The following B4GALT4 variants were observed in gnomAD, a reference collection of about 807,000 sequenced individuals.
B4GALT4 encodes the protein N-acetyllactosamine synthase.
In B4GALT4, 27 loss-of-function variants were observed where a neutral mutation model predicts 37.3. That is an observed-to-expected ratio of 0.72 (90% confidence interval 0.53 to 1.00). The LOEUF is 1.00. B4GALT4 is among the 50% of genes least tolerant of loss of function. B4GALT4 has a pLI of 0.00. For missense variants in B4GALT4, 372 were observed against 413.1 expected, an observed-to-expected ratio of 0.90 and a Z score of 0.86; for synonymous variants, 148 against 154.1, an observed-to-expected ratio of 0.96 and a Z score of 0.29.
chr3:119,237,639 T>C (rs1402462080), intron 1 of B4GALT4, among the ~76,000 whole-genome samples: 2 of 152,232 alleles, frequency 1.3e-5, no homozygotes, highest in African/African-American at 4.8e-5. Context: ...TGGAATGCAA[T>C]CAATCTTTCA....
At position 119,212,075 on chromosome 3, in the gene B4GALT4, A is replaced by T. The variant is rs1449076753; in HGVS notation, c.*474T>A. 1.4e-6 allele frequency: 1 copy of T among 693,880 alleles called. No individual in the cohort carries two copies. The highest frequency in any genetic ancestry group is 2.6e-6 in the Non-Finnish European group (1 of 379,354). 43.0% of individuals were successfully genotyped at this position (693,880 alleles called of 1,614,324 possible). ...TCTTTTGTGGACGCCTTCTCACCTG[A>T]CACCACCACTTCACAGATGATTGTA... On this transcript the variant is annotated 3_prime_UTR_variant, in exon 8 of 8. Transcript: ENST00000393765.
Position 119,224,338 on chromosome 3 carries a change from T to C in B4GALT4, c.487-93A>G, listed in dbSNP as rs114533988. 1,239 of 896,986 alleles carry C rather than the reference T, an allele frequency of 1.4e-3. 8 individuals are homozygous for C. In the African/African-American group the frequency reaches 0.017, roughly 12 times the overall value. 55.6% of individuals were successfully genotyped at this position (896,986 alleles called of 1,614,324 possible). A position where few individuals can be genotyped will look rare whatever the true frequency, so the allele number is the denominator to read the frequency against. On this transcript the variant is annotated intron_variant, in intron 4 of 7. Transcript: ENST00000393765. ...TAGGATTCAGGAGATGGTATTATTC[T>C]AATTATTCTACGCACGAGACTACAC...
intron 1 of B4GALT4, chr3:119,240,384 C>G (rs886250046): frequency 2.4e-4 from 37 of 152,236 alleles, no homozygotes; most frequent in African/African-American, 8.9e-4. Flanking sequence ...GGTCAAAGGT[C>G]GCCGGCCCCT....
intron 5 of B4GALT4, among the ~76,000 whole-genome samples, chr3:119,220,733 T>TC (rs751765376): frequency 6.6e-6 from 1 of 152,134 alleles, no homozygotes; most frequent in African/African-American, 2.4e-5. Context: ...ACGCCTGTAA[T>TC]CCCAGCACTT....
intron 1 of B4GALT4, among the ~76,000 whole-genome samples, chr3:119,237,801 AC>A (rs1456167566): frequency 6.6e-6 from 1 of 152,260 alleles, no homozygotes; most frequent in Non-Finnish European, 1.5e-5. Flanking sequence ...ATTCAAACCA[AC>A]ATTGCTAAAA....
At chr3:119,212,711 T>A in intron 7 of B4GALT4, 30 bp from the exon 8 acceptor site, 3 of 1,561,648 alleles carry the variant, frequency 1.9e-6, no homozygotes, top group Non-Finnish European at 2.6e-6. Context: ...ATGTGAATGA[T>A]AAGAATTTAA....
At chr3:119,215,980 G>T (rs971623229) in intron 7 of B4GALT4, 2 of 252,686 alleles carry the variant, frequency 7.9e-6, no homozygotes, top group Non-Finnish European at 1.5e-5. Flanking sequence ...CACATGAAAT[G>T]CTATGACATC....
intron 6 of B4GALT4, 108 bp from the exon 7 acceptor site, chr3:119,216,452 AC>A: frequency 2.1e-6 from 1 of 486,104 alleles, no homozygotes; most frequent in Non-Finnish European, 3.5e-6. Flanking sequence ...ACATACACAC[AC>A]ACACACACAC....
rs1208541284 is a variant in B4GALT4 at position 119,230,093 on chromosome 3, A to G, written c.7T>C (p.Phe3Leu). 1 of 1,613,966 alleles carries G rather than the reference A, an allele frequency of 6.2e-7. No homozygotes were observed. The highest frequency in any genetic ancestry group is 8.5e-7 in the Non-Finnish European group (1 of 1,179,954). Residue 3 changes from phenylalanine (F) to leucine (L), a missense_variant, in exon 3 of 8, where the codon TTC (phenylalanine) becomes CTC (leucine). Coordinates refer to ENST00000393765, the MANE Select transcript of B4GALT4 (RefSeq NM_003778.4). Reference sequence around the variant, plus strand: ...TAGGAAAGGTGGAAAGTCAGGTTGAAGCCCATGTTTTTTATTACGTGAATA... The same window carrying G: ...TAGGAAAGGTGGAAAGTCAGGTTGAGGCCCATGTTTTTTATTACGTGAATA... The part of the protein sequence containing the change: MG[F>L]NLTFHLSYKF...
rs774588667 is a variant in B4GALT4, at chr3:119,224,096, G to C, written c.636C>G (p.Pro212=). 1.2e-6 allele frequency: 2 copies of C among 1,613,590 alleles called. No homozygotes were observed. Among genetic ancestry groups the C allele is most frequent in the South Asian group, 1.1e-5 (1 of 90,972 alleles). Reference sequence around the variant, plus strand: ...TGTTCCTGCCAACCACCAGATGCTTGGGATGCTCCTCACACTTGTAAAGGT... The same window carrying C: ...TGTTCCTGCCAACCACCAGATGCTTCGGATGCTCCTCACACTTGTAAAGGT... ...DFNLYKCEEH[P]KHLVVGRNST... The change falls in exon 5 of 8, where the codon CCC becomes CCG. Residue 212 remains proline (P), a synonymous_variant. Coordinates refer to ENST00000393765, the MANE Select transcript of B4GALT4 (RefSeq NM_003778.4).
intron 7 of B4GALT4, chr3:119,214,904 C>A (rs1355017837): frequency 6.6e-6 from 1 of 152,158 alleles, no homozygotes. Context: ...CTGGCAATAT[C>A]GAAACTCACA....
At chr3:119,236,626 C>A (rs552738319) in intron 2 of B4GALT4, among the ~76,000 whole-genome samples, 29 of 152,250 alleles carry the variant, frequency 1.9e-4, no homozygotes, top group African/African-American at 6.7e-4. Flanking sequence ...AATTTAGTAA[C>A]AAATGACGGA....
chr3:119,218,856 GGGAGA>G, intron 5 of B4GALT4, 84 bp from the exon 6 acceptor site: 1 of 1,527,032 alleles, frequency 6.5e-7, no homozygotes. Flanking sequence ...AGGAACACCT[GGGAGA>G]CCATGTACTT....
chr3:119,224,206 C>T lies in B4GALT4; in HGVS notation c.526G>A (p.Val176Met), dbSNP rs2078532090. ...TCCTTGAGGGCTTCTAGATAGCCCA[C>T]ATTCAAGAGTTTGGCTCGATTAAAC... ...KKFNRAKLLN[V>M]GYLEALKEEN... The change falls in exon 5 of 8, where the codon GTG (valine) becomes ATG (methionine). Residue 176 changes from valine to methionine, a missense_variant. Transcript: ENST00000393765. The T allele has an allele frequency of 6.2e-7, 1 of 1,612,064 alleles. No homozygotes were observed.
chr3:119,227,523 T>C (rs573954552), intron 3 of B4GALT4, among the ~76,000 whole-genome samples: 150 of 152,302 alleles, frequency 9.8e-4, no homozygotes, highest in Middle Eastern at 3.4e-3. Context: ...CCTGGCTCCC[T>C]GTAAGCAAAG....
intron 3 of B4GALT4, among the ~76,000 whole-genome samples, chr3:119,229,207 C>A (rs567034410): frequency 1.3e-5 from 2 of 152,292 alleles, no homozygotes; most frequent in South Asian, 4.1e-4. Flanking sequence ...TGGTGCTCTG[C>A]TGATGCCATG....
At chr3:119,236,561 T>C (rs1576944775) in intron 2 of B4GALT4, among the ~76,000 whole-genome samples, 1 of 152,172 alleles carries the variant, frequency 6.6e-6, no homozygotes, top group East Asian at 1.9e-4. Context: ...TCAAGGAGAA[T>C]CATTGTTTTT....
chr3:119,232,460 C>T (rs1044426163), intron 2 of B4GALT4: 2 of 152,260 alleles, frequency 1.3e-5, no homozygotes, highest in African/African-American at 4.8e-5. Context: ...CGTGGGGTCT[C>T]CGCCCAGGTG....
intron 5 of B4GALT4, among the ~76,000 whole-genome samples, chr3:119,223,017 T>C (rs1259052697): frequency 6.6e-6 from 1 of 152,158 alleles, no homozygotes; most frequent in Admixed American, 6.5e-5. Context: ...ATCAAGAGAC[T>C]CACTTTCCAC....
Sources: gnomAD v4.1 joint callset for allele counts (sites outside exome capture counted in the v4.1 genomes callset) on GRCh38, gnomAD v4.1.1 for gene constraint, MANE v1.5 for transcripts, NCBI Gene and HGNC (gene_info 2026-07-23, HGNC 2026-07-21) for gene names.